PARG: variants seen among roughly 807,000 people sequenced by gnomAD.
PARG encodes the protein poly(ADP-ribose) glycohydrolase.
In PARG, 35 loss-of-function variants were observed where a neutral mutation model predicts 113.0. That is an observed-to-expected ratio of 0.31 (90% confidence interval 0.24 to 0.41). The LOEUF is 0.41. Ranked by LOEUF, PARG falls within the 10% of genes least tolerant of loss-of-function variation. The pLI, the probability that PARG is intolerant of heterozygous loss-of-function variation, is 1.00. For synonymous variants in PARG, 330 were observed against 409.9 expected, an observed-to-expected ratio of 0.81 and a Z score of 2.36; for missense variants, 797 against 1,169.4, an observed-to-expected ratio of 0.68 and a Z score of 4.64.
intron 11 of PARG, among the ~76,000 whole-genome samples, chr10:49,863,901 C>T (rs1467649969): frequency 6.9e-6 from 1 of 145,288 alleles, no homozygotes; most frequent in Middle Eastern, 3.5e-3. Context: ...AACTTGTATG[C>T]ACTGTTAGAG....
chr10:49,934,868 G>A (rs1838673706), intron 2 of PARG, among the ~76,000 whole-genome samples: 1 of 151,476 alleles, frequency 6.6e-6, no homozygotes, highest in Non-Finnish European at 1.5e-5. Flanking sequence ...AAAAGACACA[G>A]ACTATTCCTC....
chr10:49,857,568 A>T (rs1164769275), intron 12 of PARG, 115 bp from the exon 13 acceptor site: 12 of 602,252 alleles, frequency 2.0e-5, no homozygotes, highest in Non-Finnish European at 3.3e-5. Flanking sequence ...TCAATCCCCA[A>T]ATAAGTAATC....
At chr10:49,858,811 CT>C (rs1175588061) in intron 12 of PARG, among the ~76,000 whole-genome samples, 2 of 150,952 alleles carry the variant, frequency 1.3e-5, no homozygotes, top group East Asian at 3.9e-4. Context: ...AATTAGCTAC[CT>C]ACTACATATG....
intron 7 of PARG, among the ~76,000 whole-genome samples, chr10:49,895,582 TTTTAGTAGA>T (rs1239515232): frequency 1.3e-5 from 2 of 152,058 alleles, no homozygotes; most frequent in African/African-American, 4.8e-5. Context: ...TTTTTTGTAC[TTTTAGTAGA>T]GATGGGGTTT....
At position 49,879,692 on chromosome 10, in the gene PARG, G is replaced by T. The variant is rs1554839039; in HGVS notation, c.1969C>A (p.Pro657Thr). ...ACATACCGATTGAAGTTAATGTCTG[G>T]GTAACTAGAATACTCCGATTTCATC... is the stretch of plus-strand genomic sequence containing the variant. Reference protein sequence around the residue: ...AKMKSEYSSYPDINFNRLFEG... With the variant: ...AKMKSEYSSYTDINFNRLFEG... The change falls in exon 9 of 18, where the codon CCA becomes ACA. Residue 657 changes from proline to threonine, a missense_variant. Pro to Thr is a conservative substitution (Grantham distance 38, BLOSUM62 -1). Transcript: ENST00000616448. 1.3e-6 allele frequency: 2 copies of T among 1,552,006 alleles called. No homozygotes were observed. The highest frequency in any genetic ancestry group is 3.9e-5 in the Admixed American group (2 of 51,376).
At chr10:49,908,723 T>C (rs1263587460) in intron 7 of PARG, among the ~76,000 whole-genome samples, 2 of 152,120 alleles carry the variant, frequency 1.3e-5, no homozygotes, top group Admixed American at 1.3e-4. Context: ...AGCTAAGTAA[T>C]AATGTGTTTA....
intron 4 of PARG, among the ~76,000 whole-genome samples, chr10:49,928,383 A>G (rs1554851256): frequency 6.6e-6 from 1 of 152,232 alleles, no homozygotes; most frequent in Non-Finnish European, 1.5e-5. Flanking sequence ...ATCATCTGAT[A>G]AAACAGCATA....
At chr10:49,898,281 C>T (rs1331493309) in intron 7 of PARG, among the ~76,000 whole-genome samples, 2 of 152,130 alleles carry the variant, frequency 1.3e-5, no homozygotes, top group Admixed American at 6.6e-5. Context: ...GTATTAATGT[C>T]TAATGGGCCA....
rs563491894 is a variant in PARG at position 49,869,396 on chromosome 10, C to T, written c.2068+80G>A. Reference sequence around the variant, plus strand: ...GGGACAGGAAGGTTTACGTTAAACACAAAATGTTCCTCACATGTCACTTGA... The same window carrying T: ...GGGACAGGAAGGTTTACGTTAAACATAAAATGTTCCTCACATGTCACTTGA... On this transcript the variant is annotated intron_variant, in intron 10 of 17. Coordinates refer to ENST00000616448, the MANE Select transcript of PARG (RefSeq NM_003631.5). 2.7e-4 allele frequency: 183 copies of T among 668,520 alleles called. No homozygotes were observed. In the African/African-American group the frequency reaches 3.0e-3, roughly 11 times the overall value. 41.4% of individuals were successfully genotyped at this position (668,520 alleles called of 1,614,324 possible). A position where few individuals can be genotyped will look rare whatever the true frequency, so the allele number is the denominator to read the frequency against.
chr10:49,844,526 G>A (rs569433150), intron 13 of PARG, among the ~76,000 whole-genome samples: 97 of 151,886 alleles, frequency 6.4e-4, no homozygotes, highest in African/African-American at 2.2e-3. Context: ...AGGAGGCTGA[G>A]GCAGGAGAAT....
At chr10:49,832,754 CT>C in intron 16 of PARG, 48 bp downstream of exon 16, 10 of 1,124,384 alleles carry the variant, frequency 8.9e-6, no homozygotes, top group South Asian at 2.8e-5. Flanking sequence ...GAAGGACTAA[CT>C]TTTTTTGTGT....
chr10:49,899,943 C>T (rs2664486), intron 7 of PARG, among the ~76,000 whole-genome samples: 2 of 152,152 alleles, frequency 1.3e-5, no homozygotes, highest in African/African-American at 4.8e-5. Flanking sequence ...ATGAAATATA[C>T]CGAGTTTTTA....
At chr10:49,863,676 CA>C (rs1354482989) in intron 11 of PARG, among the ~76,000 whole-genome samples, 4 of 127,824 alleles carry the variant, frequency 3.1e-5, no homozygotes, top group Admixed American at 8.3e-5. Context: ...ACCAAAGTAA[CA>C]GGAACAAAAC....
At chr10:49,894,958 T>C (rs1398029355) in intron 7 of PARG, among the ~76,000 whole-genome samples, 1 of 152,168 alleles carries the variant, frequency 6.6e-6, no homozygotes, top group African/African-American at 2.4e-5. Flanking sequence ...TGGGGTTCCT[T>C]GGCATGCAGA....
intron 16 of PARG, among the ~76,000 whole-genome samples, chr10:49,828,049 C>T (rs1564594554): frequency 1.5e-5 from 2 of 131,472 alleles, no homozygotes; most frequent in South Asian, 4.9e-4. Flanking sequence ...CAGAAGCCCC[C>T]CACGCAAAAA....
intron 7 of PARG, among the ~76,000 whole-genome samples, chr10:49,888,360 T>G (rs1325157808): frequency 3.3e-5 from 5 of 152,276 alleles, no homozygotes; most frequent in African/African-American, 1.2e-4. Context: ...TCCTTTTTTT[T>G]ATAATTTCTT....
Position 49,939,985 on chromosome 10 carries a change from G to A in PARG, c.217+1524C>T, listed in dbSNP as rs1287240142. Among the ~76,000 whole-genome samples the A allele has an allele frequency of 1.4e-4, 22 of 152,246 alleles. No homozygotes were observed. In the East Asian group the frequency reaches 1.5e-3, roughly 11 times the overall value. On this transcript the variant is annotated intron_variant, in intron 1 of 17. Transcript: ENST00000616448. The stretch of plus-strand genomic sequence containing the variant: ...AGGCTTTCCTCCCACCTCTACAGCC[G>A]CTTCTCTTCAGTCTACTCTTAAACT...
chr10:49,898,131 G>A (rs189456027), intron 7 of PARG, among the ~76,000 whole-genome samples: 1 of 151,784 alleles, frequency 6.6e-6, no homozygotes, highest in African/African-American at 2.4e-5. Flanking sequence ...ATTTACTCTT[G>A]TATTAACCAC....
intron 7 of PARG, among the ~76,000 whole-genome samples, chr10:49,900,840 C>T (rs1588963622): frequency 6.6e-6 from 1 of 151,550 alleles, no homozygotes; most frequent in African/African-American, 2.4e-5. Context: ...AACCACATTG[C>T]TATTATGTCC....
Sources: gnomAD v4.1 joint callset for allele counts (sites outside exome capture counted in the v4.1 genomes callset) on GRCh38, gnomAD v4.1.1 for gene constraint, MANE v1.5 for transcripts, NCBI Gene and HGNC (gene_info 2026-07-23, HGNC 2026-07-21) for gene names.